The following EXOC6B variants were observed in gnomAD, a reference collection of about 807,000 sequenced individuals.
The protein encoded by EXOC6B is SEC15 homolog B.
EXOC6B carries 54 observed loss-of-function variants against 113.5 expected under a neutral mutation model. The ratio of observed to expected loss-of-function variants is 0.48; its 90% CI spans 0.38 to 0.60. EXOC6B has a LOEUF of 0.60. EXOC6B is among the 20% of genes least tolerant of loss of function. The pLI, the probability that EXOC6B is intolerant of heterozygous loss-of-function variation, is 0.00. For missense variants in EXOC6B, 797 were observed against 977.5 expected (o/e 0.82, Z 2.46); for synonymous variants, 357 against 339.0 (o/e 1.05, Z -0.58).
chr2:72,720,622 G>A (rs113783946), intron 5 of EXOC6B, among the ~76,000 whole-genome samples: 5,716 of 151,766 alleles, frequency 0.038, 333 homozygotes, highest in African/African-American at 0.13. Flanking sequence ...GTGTGGTGGC[G>A]TGCACCCGTA....
chr2:72,448,990 CTG>C (rs1303183171), intron 18 of EXOC6B, among the ~76,000 whole-genome samples: 2 of 152,178 alleles, frequency 1.3e-5, no homozygotes, highest in Admixed American at 1.3e-4. Flanking sequence ...TAGCGCCAGA[CTG>C]TGAAAAAAGA....
chr2:72,505,427 A>G (rs556076073), intron 11 of EXOC6B, among the ~76,000 whole-genome samples: 1 of 152,278 alleles, frequency 6.6e-6, no homozygotes, highest in African/African-American at 2.4e-5. Context: ...TATCTATCCA[A>G]TGACCATATC....
At chr2:72,312,800 C>CAAAAAAAAAAAA (rs11288459) in intron 20 of EXOC6B, among the ~76,000 whole-genome samples, 2 of 113,438 alleles carry the variant, frequency 1.8e-5, no homozygotes, top group Admixed American at 9.2e-5. Flanking sequence ...AAACGACAAC[C>CAAAAAAAAAAAA]AAAAAAAAAA....
At chr2:72,493,262 C>T (rs906293681) in intron 15 of EXOC6B, among the ~76,000 whole-genome samples, 4 of 149,856 alleles carry the variant, frequency 2.7e-5, no homozygotes, top group Non-Finnish European at 4.4e-5. Context: ...TTCCTGCTGA[C>T]TTCGCCTCTC....
intron 8 of EXOC6B, among the ~76,000 whole-genome samples, chr2:72,541,283 A>G (rs1481328135): frequency 6.6e-6 from 1 of 152,216 alleles, no homozygotes; most frequent in Non-Finnish European, 1.5e-5. Context: ...AAGTCCAATT[A>G]AACTTCTTTT....
chr2:72,341,639 C>A (rs534401497), intron 19 of EXOC6B, among the ~76,000 whole-genome samples: 1 of 152,056 alleles, frequency 6.6e-6, no homozygotes. Flanking sequence ...TACAGCAATA[C>A]GATGACAGGG....
intron 6 of EXOC6B, among the ~76,000 whole-genome samples, chr2:72,628,659 G>C (rs1672207263): frequency 6.6e-6 from 1 of 152,036 alleles, no homozygotes; most frequent in African/African-American, 2.4e-5. Flanking sequence ...CTCTCTCTCT[G>C]TCTTTCAGCC....
At chr2:72,725,004 G>C (rs957742439) in intron 5 of EXOC6B, among the ~76,000 whole-genome samples, 3 of 152,122 alleles carry the variant, frequency 2.0e-5, no homozygotes, top group African/African-American at 7.2e-5. Flanking sequence ...CAAAAAAAGA[G>C]TTTGTAGAAA....
chr2:72,745,857 G>A lies in EXOC6B; in HGVS notation c.114-4388C>T, dbSNP rs75896945. 9.4e-3 allele frequency among the ~76,000 whole-genome samples: 1,429 copies of A among 152,140 alleles called. 20 individuals carry two copies. The highest frequency in any genetic ancestry group is 0.033 in the African/African-American group (1,374 of 41,514). On this transcript the variant is annotated intron_variant, in intron 1 of 21. Coordinates refer to ENST00000272427, the MANE Select transcript of EXOC6B (RefSeq NM_015189.3). ...ATAAACAAGACTTAAACACTGAAAA[G>A]GTCAGAAATTTACTACTGAAGCTAA...
chr2:72,204,071 C>T (rs1470556734), intron 20 of EXOC6B, among the ~76,000 whole-genome samples: 1 of 152,048 alleles, frequency 6.6e-6, no homozygotes, highest in African/African-American at 2.4e-5. Context: ...AAGTCCCTGT[C>T]CTTCTTCCTC....
intron 5 of EXOC6B, among the ~76,000 whole-genome samples, chr2:72,725,827 G>C (rs1177562403): frequency 6.6e-6 from 1 of 152,182 alleles, no homozygotes; most frequent in Non-Finnish European, 1.5e-5. Context: ...CATACAGAGA[G>C]ACAAAGTGCA....
chr2:72,812,829 G>A (rs1306263883), intron 1 of EXOC6B, among the ~76,000 whole-genome samples: 1 of 152,044 alleles, frequency 6.6e-6, no homozygotes, highest in Non-Finnish European at 1.5e-5. Flanking sequence ...CCAGTATCAG[G>A]ATATTACATA....
intron 5 of EXOC6B, among the ~76,000 whole-genome samples, chr2:72,724,429 G>C (rs992862735): frequency 3.3e-5 from 5 of 151,926 alleles, no homozygotes; most frequent in Admixed American, 6.5e-5. Flanking sequence ...TGGGTTTGAA[G>C]GTAACAAACT....
intron 18 of EXOC6B, among the ~76,000 whole-genome samples, chr2:72,451,711 A>C (rs1160577646): frequency 6.8e-6 from 1 of 147,474 alleles, no homozygotes; most frequent in Admixed American, 6.7e-5. Flanking sequence ...CTTTTTAAGA[A>C]GGTAGTTTTT....
At chr2:72,666,640 C>G (rs924753208) in intron 6 of EXOC6B, among the ~76,000 whole-genome samples, 1 of 152,078 alleles carries the variant, frequency 6.6e-6, no homozygotes, top group Non-Finnish European at 1.5e-5. Context: ...AAAGACTCCA[C>G]CAAAAGGCTC....
At chr2:72,767,517 A>T (rs1683133478) in intron 1 of EXOC6B, among the ~76,000 whole-genome samples, 1 of 151,838 alleles carries the variant, frequency 6.6e-6, no homozygotes, top group Non-Finnish European at 1.5e-5. Flanking sequence ...CCACATTAAC[A>T]ATTGGAACTG....
intron 18 of EXOC6B, among the ~76,000 whole-genome samples, chr2:72,456,140 C>T (rs1172465019): frequency 1.3e-5 from 2 of 152,002 alleles, no homozygotes; most frequent in Non-Finnish European, 1.5e-5. Context: ...GAAATGTGAA[C>T]ATTACTAAGT....
At chr2:72,781,964 C>A (rs952071826) in intron 1 of EXOC6B, among the ~76,000 whole-genome samples, 1 of 151,670 alleles carries the variant, frequency 6.6e-6, no homozygotes, top group African/African-American at 2.4e-5. Flanking sequence ...CATGGTGAAA[C>A]CCCATCTCTA....
At chr2:72,648,817 CA>C (rs55909707) in intron 6 of EXOC6B, among the ~76,000 whole-genome samples, 152,342 of 152,348 alleles carry the variant, frequency 1, 76,168 homozygotes, top group Middle Eastern at 1. Flanking sequence ...AAAAATGTTG[CA>C]ATGTTCTCAT....
Sources: gnomAD v4.1 joint callset for allele counts (sites outside exome capture counted in the v4.1 genomes callset) on GRCh38, gnomAD v4.1.1 for gene constraint, MANE v1.5 for transcripts, NCBI Gene and HGNC (gene_info 2026-07-23, HGNC 2026-07-21) for gene names.